FEZF2: variants seen among roughly 807,000 people sequenced by gnomAD.
FEZF2 encodes the protein fez family zinc finger protein 2.
Under a neutral mutation model 32.8 loss-of-function variants are expected in FEZF2, and 2 were observed. The ratio of observed to expected loss-of-function variants is 0.06; its 90% CI spans 0.02 to 0.19. FEZF2 has a LOEUF of 0.19. Ranked by LOEUF, FEZF2 falls within the 10% of genes least tolerant of loss-of-function variation. The pLI is 1.00. For synonymous variants in FEZF2, 322 were observed against 284.8 expected, an observed-to-expected ratio of 1.13 and a Z score of -1.32; for missense variants, 516 against 625.4, an observed-to-expected ratio of 0.83 and a Z score of 1.87.
chr3:62,372,679 G>T lies in FEZF2; in HGVS notation c.190C>A (p.Leu64Ile), dbSNP rs766096747. The change falls in exon 2 of 5, where the codon CTC becomes ATC. Residue 64 changes from leucine (L) to isoleucine (I), a missense_variant. Physicochemically the swap from Leu to Ile is conservative, Grantham distance 5. Transcript: ENST00000283268. The surrounding 1 kb of genome is among the most constrained non-coding windows in gnomAD (Gnocchi z 9.6). ...EADGSQGKKL[L>I]NLCSPLPCMI... ...CAGGGCAGCGGCGAGCAGAGGTTGA[G>T]CAGTTTCTTGCCCTGGCTGCCGTCC... is the stretch of plus-strand genomic sequence containing the variant. 1.5e-5 allele frequency: 24 copies of T among 1,608,476 alleles called. No individual in the cohort carries two copies. Among genetic ancestry groups the T allele is most frequent in the Non-Finnish European group, 2.0e-5 (24 of 1,177,466 alleles).
At position 62,369,758 on chromosome 3, in the gene FEZF2, C is replaced by A; in HGVS notation, c.*325G>T. 1 of 299,754 alleles carries A rather than the reference C, an allele frequency of 3.3e-6. No individual in the cohort carries two copies. The highest frequency in any genetic ancestry group is 5.6e-5 in the South Asian group (1 of 17,936). 18.6% of individuals were successfully genotyped at this position (299,754 alleles called of 1,614,324 possible). A position where few individuals can be genotyped will look rare whatever the true frequency, so the allele number is the denominator to read the frequency against. ...GATTTACATGGCTGTATAAAGATGG[C>A]TAGGGGCGCCGCGCTCTTCTGGGGC... On this transcript the variant is annotated 3_prime_UTR_variant, in exon 5 of 5. Transcript: ENST00000283268. The surrounding 1 kb of genome is among the most constrained non-coding windows in gnomAD (Gnocchi z 4.2).
chr3:62,371,230 G>A lies in FEZF2; in HGVS notation c.1107C>T (p.Gly369=), dbSNP rs1340231993. ...KPFVCEFCGK[G]FHQKGNYKNH... ...CTGGCACGTTACCTTTTTGGTGAAA[G>A]CCTTTGCCGCAAAATTCGCAGACGA... Residue 369 remains glycine, a synonymous_variant, in exon 4 of 5, where the codon GGC becomes GGT. Coordinates refer to ENST00000283268, the MANE Select transcript of FEZF2 (RefSeq NM_018008.4). The A allele has an allele frequency of 1.2e-6, 2 of 1,614,254 alleles. No individual in the cohort carries two copies. The highest frequency in any genetic ancestry group is 1.7e-6 in the Non-Finnish European group (2 of 1,180,050).
rs762117256 is a variant in FEZF2 at position 62,370,044 on chromosome 3, G to A, written c.*39C>T. On this transcript the variant is annotated 3_prime_UTR_variant, in exon 5 of 5. Transcript: ENST00000283268. This position sits in a 1 kb window ranked among gnomAD's most constrained non-coding sequence, Gnocchi z 4.2. Reference sequence around the variant, plus strand: ...AGTTTATATGTGTGATCTGTTTTCAGGTGGTACAGGGAGGGAAGGAAGGGC... The same window carrying A: ...AGTTTATATGTGTGATCTGTTTTCAAGTGGTACAGGGAGGGAAGGAAGGGC... 2 of 1,603,808 alleles carry A rather than the reference G, an allele frequency of 1.2e-6. No individual in the cohort carries two copies. The highest frequency in any genetic ancestry group is 2.2e-5 in the East Asian group (1 of 44,576).
At position 62,370,700 on chromosome 3, in the gene FEZF2, C is replaced by A. The variant is rs1489273148; in HGVS notation, c.1121-358G>T. 6.6e-6 allele frequency among the ~76,000 whole-genome samples: 1 copy of A among 152,182 alleles called. No individual in the cohort carries two copies. Among genetic ancestry groups the A allele is most frequent in the East Asian group, 1.9e-4 (1 of 5,168 alleles). On this transcript the variant is annotated intron_variant, in intron 4 of 4. Transcript: ENST00000283268. This position sits in a 1 kb window ranked among gnomAD's most constrained non-coding sequence, Gnocchi z 4.2. Reference sequence around the variant, plus strand: ...CCTCGCTAGAAGAAATTCGCACGAACCCGGGCTTCATCCTTTTTCTTTTCC... The same window carrying A: ...CCTCGCTAGAAGAAATTCGCACGAAACCGGGCTTCATCCTTTTTCTTTTCC...
rs368222900 is a variant in FEZF2 at position 62,372,262 on chromosome 3, C to A, written c.607G>T (p.Ala203Ser). ...SGLLNAQAPA[A>S]LAAHPKLFLL... Reference sequence around the variant, plus strand: ...AAGAGCTTGGGGTGAGCAGCCAGGGCGGCGGGGGCCTGCGCATTGAGGAGG... The same window carrying A: ...AAGAGCTTGGGGTGAGCAGCCAGGGAGGCGGGGGCCTGCGCATTGAGGAGG... The change falls in exon 2 of 5, where the codon GCC (alanine) becomes TCC (serine). Residue 203 changes from alanine to serine, a missense_variant. Ala to Ser is a moderately conservative substitution (Grantham distance 99). Transcript: ENST00000283268. The surrounding 1 kb of genome is among the most constrained non-coding windows in gnomAD (Gnocchi z 9.6). The A allele has an allele frequency of 1.3e-6, 2 of 1,586,274 alleles. 1 individual carries two copies. Among genetic ancestry groups the A allele is most frequent in the South Asian group, 2.3e-5 (2 of 87,766 alleles).
In FEZF2 at chr3:62,372,194, C is replaced by T. The variant is rs769897572; in HGVS notation, c.675G>A (p.Lys225=). ...GGGGATAGGGAGCCGGGTGGGGGAA[C>T]TTGTCCGCAGCCAGGCCGGCCAGCT... is the stretch of plus-strand genomic sequence containing the variant. ...NAKLAGLAAD[K]FPHPAPYPHK... Residue 225 remains lysine (K), a synonymous_variant, in exon 2 of 5, where the codon AAG becomes AAA. Coordinates refer to ENST00000283268, the MANE Select transcript of FEZF2 (RefSeq NM_018008.4). The surrounding 1 kb of genome is among the most constrained non-coding windows in gnomAD (Gnocchi z 9.6). The T allele has an allele frequency of 5.1e-6, 8 of 1,579,020 alleles. No individual in the cohort carries two copies. The highest frequency in any genetic ancestry group is 6.9e-6 in the Non-Finnish European group (8 of 1,162,182).
At position 62,371,389 on chromosome 3, in the gene FEZF2, T is replaced by G. The variant is rs748014511; in HGVS notation, c.988-40A>C. On this transcript the variant is annotated intron_variant, in intron 3 of 4. Transcript: ENST00000283268. ...GAGTGCACAGTAAGGAGAGGCCACC[T>G]CGGGAACACCTGGAAGGGACATCCC... is the stretch of plus-strand genomic sequence containing the variant. 35 of 1,601,030 alleles carry G rather than the reference T, an allele frequency of 2.2e-5. No individual in the cohort carries two copies. The South Asian group carries it at 3.6e-4, about 16-fold the overall frequency.
At chr3:62,371,954 C>G (rs1230513573) in intron 2 of FEZF2, 63 bp downstream of exon 2, 4 of 1,558,536 alleles carry the variant, frequency 2.6e-6, no homozygotes, top group Non-Finnish European at 3.4e-6. Context: ...TCCAGGCTGC[C>G]CCAAGGAAGC....
Position 62,371,164 on chromosome 3 carries a change from C to A in FEZF2, c.1120+53G>T, listed in dbSNP as rs981449529. The A allele has an allele frequency of 2.5e-6, 4 of 1,613,400 alleles. No homozygotes were observed. In the African/African-American group the frequency reaches 4.0e-5, roughly 16 times the overall value. On this transcript the variant is annotated intron_variant, in intron 4 of 4. Coordinates refer to ENST00000283268, the MANE Select transcript of FEZF2 (RefSeq NM_018008.4). The stretch of plus-strand genomic sequence containing the variant: ...TCTTTGCCTTCCTGCCAGCCAGCCG[C>A]GACCCGAGTCCTGAGGTGAGGTGAG...
Position 62,372,830 on chromosome 3 carries a change from C to T in FEZF2, c.39G>A (p.Pro13=). 2 of 1,509,984 alleles carry T rather than the reference C, an allele frequency of 1.3e-6. No individual in the cohort carries two copies. The highest frequency in any genetic ancestry group is 1.8e-6 in the Non-Finnish European group (2 of 1,122,856). 93.5% of individuals were successfully genotyped at this position (1,509,984 alleles called of 1,614,324 possible). ...SSASLETMVP[P]ACPRAGASPA... ...GCGACGCTCCGGCGCGCGGGCAGGC[C>T]GGGGGCACCATGGTCTCCAGGGAAG... Residue 13 remains proline (P), a synonymous_variant, in exon 2 of 5, where the codon CCG becomes CCA. Coordinates refer to ENST00000283268, the MANE Select transcript of FEZF2 (RefSeq NM_018008.4). The surrounding 1 kb of genome is among the most constrained non-coding windows in gnomAD (Gnocchi z 9.6).
At position 62,373,060 on chromosome 3, in the gene FEZF2, A is replaced by G. The variant is rs1207994083; in HGVS notation, c.-58-134T>C. 4.5e-5 allele frequency: 13 copies of G among 289,086 alleles called. No individual in the cohort carries two copies. Among genetic ancestry groups the G allele is most frequent in the Non-Finnish European group, 2.8e-5 (5 of 177,246 alleles). The allele number at this position is 289,086 out of a possible 1,614,324, so 17.9% of individuals were successfully genotyped here. ...AAGGGTACCAAATTACCGCCCATTA[A>G]CCCGGCGCGCAAAGGAACCCACCAG... On this transcript the variant is annotated intron_variant, in intron 1 of 4. Transcript: ENST00000283268. The surrounding 1 kb of genome is among the most constrained non-coding windows in gnomAD (Gnocchi z 5.5).
In FEZF2 at chr3:62,372,539, ACCGCCGCCGCCGCCT is replaced by A. The variant is rs768105723; in HGVS notation, c.315_329del (p.Gly113_Gly117del). 3.1e-5 allele frequency: 41 copies of A among 1,303,264 alleles called. 3 individuals carry two copies. Among genetic ancestry groups the A allele is most frequent in the South Asian group, 1.4e-4 (5 of 35,584 alleles). 80.7% of individuals were successfully genotyped at this position (1,303,264 alleles called of 1,614,324 possible). On this transcript the variant is annotated inframe_deletion, in exon 2 of 5. Transcript: ENST00000283268. The surrounding 1 kb of genome is among the most constrained non-coding windows in gnomAD (Gnocchi z 9.6). ...GGGCCCCCCCGCCGCCGCCGCCGCC[ACCGCCGCCGCCGCCT>A]CCGCCGCCGCCCGCCCGGAGGCTGC...
In FEZF2 at chr3:62,372,385, C is replaced by A; in HGVS notation, c.484G>T (p.Gly162Trp). 1 of 1,611,680 alleles carries A rather than the reference C, an allele frequency of 6.2e-7. No individual in the cohort carries two copies. The change falls in exon 2 of 5, where the codon GGG (glycine) becomes TGG (tryptophan). Residue 162 changes from glycine to tryptophan, a missense_variant. Gly to Trp is a radical substitution (Grantham distance 184, BLOSUM62 -2). This residue lies in a region of FEZF2 where 408 missense variants were observed against 382.2 expected (regional missense o/e 1.07). Coordinates refer to ENST00000283268, the MANE Select transcript of FEZF2 (RefSeq NM_018008.4). The surrounding 1 kb of genome is among the most constrained non-coding windows in gnomAD (Gnocchi z 9.6). ...IKPQVINQAVGLPASGSLYYF... is the reference protein window; with the variant it reads ...IKPQVINQAVWLPASGSLYYF... ...TAGAGCGAGCCGCTGGCCGGCAGCC[C>A]CACAGCCTGGTTGATGACCTGCGGC... is the stretch of plus-strand genomic sequence containing the variant.
In FEZF2 at chr3:62,371,682, G is replaced by A. The variant is rs756275295; in HGVS notation, c.853-15C>T. On this transcript the variant is annotated splice_polypyrimidine_tract_variant and intron_variant, in intron 2 of 4. Transcript: ENST00000283268. Reference sequence around the variant, plus strand: ...GCGTTAAACACCTATGGAAAGACATGGGGGGCCTTGTGGTGCGTCTGTCCG... The same window carrying A: ...GCGTTAAACACCTATGGAAAGACATAGGGGGCCTTGTGGTGCGTCTGTCCG... 6 of 1,600,994 alleles carry A rather than the reference G, an allele frequency of 3.7e-6. No individual in the cohort carries two copies. Among genetic ancestry groups the A allele is most frequent in the South Asian group, 3.4e-5 (3 of 89,098 alleles).
At position 62,370,066 on chromosome 3, in the gene FEZF2, G is replaced by A; in HGVS notation, c.*17C>T. On this transcript the variant is annotated 3_prime_UTR_variant, in exon 5 of 5. Transcript: ENST00000283268. The surrounding 1 kb of genome is among the most constrained non-coding windows in gnomAD (Gnocchi z 4.2). ...TCAGGTGGTACAGGGAGGGAAGGAA[G>A]GGCAAGGCAGTAGCTCTCAGCTCTG... is the stretch of plus-strand genomic sequence containing the variant. 1 of 1,611,712 alleles carries A rather than the reference G, an allele frequency of 6.2e-7. No individual in the cohort carries two copies. Among genetic ancestry groups the A allele is most frequent in the Non-Finnish European group, 8.5e-7 (1 of 1,177,996 alleles).
At position 62,369,990 on chromosome 3, in the gene FEZF2, AGTTT is replaced by A; in HGVS notation, c.*89_*92del. On this transcript the variant is annotated 3_prime_UTR_variant, in exon 5 of 5. Coordinates refer to ENST00000283268, the MANE Select transcript of FEZF2 (RefSeq NM_018008.4). The surrounding 1 kb of genome is among the most constrained non-coding windows in gnomAD (Gnocchi z 4.2). ...AAATAGATTTTAGCCTCTCTGCTAT[AGTTT>A]TTTTTTCTTTTAATTTTAGAAATAA... is the stretch of plus-strand genomic sequence containing the variant. 9.3e-7 allele frequency: 1 copy of A among 1,070,300 alleles called. No homozygotes were observed. The highest frequency in any genetic ancestry group is 3.1e-5 in the Admixed American group (1 of 32,188). The allele number at this position is 1,070,300 out of a possible 1,614,324, so 66.3% of individuals were successfully genotyped here.
intron 4 of FEZF2, 31 bp downstream of exon 4, chr3:62,371,186 T>G: frequency 1.2e-6 from 2 of 1,613,946 alleles, no homozygotes; most frequent in Non-Finnish European, 1.7e-6. Flanking sequence ...TGAGGTGAGG[T>G]GAGAAGAGAA....
In FEZF2 at chr3:62,370,424, C is replaced by T. The variant is rs948241942; in HGVS notation, c.1121-82G>A. On this transcript the variant is annotated intron_variant, in intron 4 of 4. Transcript: ENST00000283268. This position sits in a 1 kb window ranked among gnomAD's most constrained non-coding sequence, Gnocchi z 4.2. ...AGAGGCGGGCGTCCCAGGGGCAGCC[C>T]AGGTGCCTGCTCAAAAAAGGCGACG... The T allele has an allele frequency of 2.0e-6, 3 of 1,475,996 alleles. No individual in the cohort carries two copies. The East Asian group carries it at 6.8e-5, about 34-fold the overall frequency. The allele number at this position is 1,475,996 out of a possible 1,614,324, so 91.4% of individuals were successfully genotyped here.
At position 62,372,851 on chromosome 3, in the gene FEZF2, G is replaced by A. The variant is rs1282564010; in HGVS notation, c.18C>T (p.Ser6=). MASSA[S]LETMVPPACP... ...AGGCCGGGGGCACCATGGTCTCCAG[G>A]GAAGCCGAGCTTGCCATGGCGCGCG... Residue 6 remains serine (S), a synonymous_variant, in exon 2 of 5, where the codon TCC becomes TCT. Transcript: ENST00000283268. This position sits in a 1 kb window ranked among gnomAD's most constrained non-coding sequence, Gnocchi z 9.6. 1 of 1,457,494 alleles carries A rather than the reference G, an allele frequency of 6.9e-7. No homozygotes were observed. The highest frequency in any genetic ancestry group is 1.4e-5 in the South Asian group (1 of 71,670). The allele number at this position is 1,457,494 out of a possible 1,614,324, so 90.3% of individuals were successfully genotyped here. A position where few individuals can be genotyped will look rare whatever the true frequency, so the allele number is the denominator to read the frequency against.
Sources: gnomAD v4.1 joint callset for allele counts (sites outside exome capture counted in the v4.1 genomes callset) on GRCh38, gnomAD v4.1.1 for gene constraint, gnomAD v4.1.1 regional missense constraint, Gnocchi (gnomAD v3.1) non-coding constraint, MANE v1.5 for transcripts, NCBI Gene and HGNC (gene_info 2026-07-23, HGNC 2026-07-21) for gene names.